The following GSE1 variants were observed in gnomAD, a reference collection of about 807,000 sequenced individuals.
GSE1 encodes the protein genetic suppressor element 1.
GSE1 carries 32 observed loss-of-function variants against 112.6 expected under a neutral mutation model. The observed-to-expected ratio is 0.28, with a 90% CI of 0.21 to 0.38. The LOEUF (loss-of-function observed/expected upper bound fraction) is 0.38. Among genes scored for constraint, GSE1 ranks in the 10% least tolerant of loss-of-function variants. GSE1 has a pLI of 1.00. For synonymous variants in GSE1, 1,115 were observed against 735.6 expected, an observed-to-expected ratio of 1.52 and a Z score of -8.35; for missense variants, 2,348 against 1,699.2, an observed-to-expected ratio of 1.38 and a Z score of -6.71.
chr16:85,234,369 A>T (rs542161250), intron 1 of GSE1, among the ~76,000 whole-genome samples: 1 of 152,154 alleles, frequency 6.6e-6, no homozygotes, highest in East Asian at 1.9e-4. Context: ...GGATCACATG[A>T]GCACCACCTC....
intron 1 of GSE1, among the ~76,000 whole-genome samples, chr16:85,190,325 A>C (rs557575728): frequency 6.6e-6 from 1 of 152,270 alleles, no homozygotes; most frequent in African/African-American, 2.4e-5. Flanking sequence ...ATCACAGATC[A>C]TAAAGAATTG....
chr16:85,296,449 C>G (rs1269184846), intron 1 of GSE1, among the ~76,000 whole-genome samples: 1 of 151,662 alleles, frequency 6.6e-6, no homozygotes, highest in East Asian at 1.9e-4. Flanking sequence ...TGCTAAAATA[C>G]AAAAAAAATT....
intron 2 of GSE1, among the ~76,000 whole-genome samples, chr16:85,427,479 T>C (rs977545797): frequency 6.6e-6 from 1 of 152,092 alleles, no homozygotes; most frequent in Non-Finnish European, 1.5e-5. Flanking sequence ...CCGTCTCTAG[T>C]AAAAATACAA....
chr16:85,323,570 G>T (rs543389129), intron 1 of GSE1, among the ~76,000 whole-genome samples: 43 of 152,284 alleles, frequency 2.8e-4, no homozygotes, highest in African/African-American at 9.9e-4. Context: ...GTGAGGTGGG[G>T]CATGAAATGA....
At chr16:85,301,551 G>A (rs1000875736) in intron 1 of GSE1, among the ~76,000 whole-genome samples, 1 of 152,262 alleles carries the variant, frequency 6.6e-6, no homozygotes, top group Non-Finnish European at 1.5e-5. Flanking sequence ...AAAGAATCCC[G>A]CCAAAGGAAA....
rs149562078 is a variant in GSE1, at chr16:85,199,069, C to T, written c.2283+27262C>T. Among the ~76,000 whole-genome samples the T allele has an allele frequency of 5.3e-3, 810 of 152,218 alleles. 5 individuals are homozygous for T. The highest frequency in any genetic ancestry group is 9.5e-3 in the Non-Finnish European group (648 of 68,016). ...AAGTGATTCTGCTGCCTCAGCCTCCCGAGTAGCTGGGATCACAGGCATGTG... is the reference window on the plus strand; with the variant it reads ...AAGTGATTCTGCTGCCTCAGCCTCCTGAGTAGCTGGGATCACAGGCATGTG... On this transcript the variant is annotated intron_variant, in intron 1 of 2. Coordinates refer to the GSE1 transcript ENST00000637419.
chr16:85,205,387 C>T (rs1447071191), intron 1 of GSE1, among the ~76,000 whole-genome samples: 2 of 152,202 alleles, frequency 1.3e-5, no homozygotes, highest in African/African-American at 2.4e-5. Context: ...CTGCCTTGGC[C>T]TCCCAAAGTG....
At chr16:85,505,114 A>T (rs28521760) in intron 2 of GSE1, among the ~76,000 whole-genome samples, 9 of 152,072 alleles carry the variant, frequency 5.9e-5, no homozygotes, top group South Asian at 2.1e-4. Flanking sequence ...GGTTTGTTCA[A>T]TGTTGGGCCT....
At chr16:85,507,171 C>T (rs1031264587) in intron 2 of GSE1, among the ~76,000 whole-genome samples, 2 of 152,248 alleles carry the variant, frequency 1.3e-5, no homozygotes, top group African/African-American at 4.8e-5. Context: ...TTTAATTTGC[C>T]AGTCTGTGGG....
chr16:85,253,186 G>A (rs1478099131), intron 1 of GSE1, among the ~76,000 whole-genome samples: 6 of 151,848 alleles, frequency 4.0e-5, no homozygotes, highest in Non-Finnish European at 8.8e-5. Flanking sequence ...GAGGCAGGAG[G>A]AGCAGAGAAG....
chr16:85,468,766 A>T (rs1476646152), intron 2 of GSE1, among the ~76,000 whole-genome samples: 1 of 152,142 alleles, frequency 6.6e-6, no homozygotes, highest in Non-Finnish European at 1.5e-5. Context: ...CCATCTCCTG[A>T]TGTCTAAGAG....
chr16:85,605,985 C>T (rs1195611200), intron 1 of GSE1, among the ~76,000 whole-genome samples: 1 of 152,106 alleles, frequency 6.6e-6, no homozygotes, highest in Admixed American at 6.6e-5. Context: ...CTGTTTCTGC[C>T]GTGGTTTCTG....
intron 1 of GSE1, among the ~76,000 whole-genome samples, chr16:85,319,019 G>GA (rs1567685090): frequency 1.3e-5 from 2 of 152,192 alleles, no homozygotes; most frequent in African/African-American, 4.8e-5. Context: ...GTGTCCTTTG[G>GA]AAAGCGAGCA....
intron 2 of GSE1, among the ~76,000 whole-genome samples, chr16:85,448,182 C>G (rs2049567776): frequency 6.6e-6 from 1 of 152,186 alleles, no homozygotes; most frequent in Admixed American, 6.5e-5. Flanking sequence ...ATAATGATCC[C>G]AGACGGAGAG....
At chr16:85,651,405 C>T (rs1310535036) in intron 3 of GSE1, among the ~76,000 whole-genome samples, 1 of 152,078 alleles carries the variant, frequency 6.6e-6, no homozygotes, top group Non-Finnish European at 1.5e-5. Context: ...TGCTGGCTGC[C>T]CCCCAGCCCC....
At chr16:85,177,873 C>G (rs2074499539) in intron 1 of GSE1, among the ~76,000 whole-genome samples, 1 of 152,142 alleles carries the variant, frequency 6.6e-6, no homozygotes, top group Non-Finnish European at 1.5e-5. Flanking sequence ...AGTGCTGGGC[C>G]AGGGACGAAC....
upstream of GSE1, chr16:85,613,298 C>T (rs2048119037): frequency 1.3e-6 from 2 of 1,540,686 alleles, no homozygotes; most frequent in African/African-American, 1.4e-5. Flanking sequence ...CTGCCGCCGC[C>T]GAGCAGCCCC....
intron 2 of GSE1, among the ~76,000 whole-genome samples, chr16:85,645,725 GC>G (rs771305915): frequency 0.017 from 2,553 of 152,348 alleles, 36 homozygotes; most frequent in Non-Finnish European, 0.021. Flanking sequence ...CGGAACCAAG[GC>G]CAGGTCTGAA....
chr16:85,630,810 C>G (rs2049478919), intron 1 of GSE1, among the ~76,000 whole-genome samples: 1 of 152,150 alleles, frequency 6.6e-6, no homozygotes, highest in Non-Finnish European at 1.5e-5. Flanking sequence ...TTGGACCAAG[C>G]TTAGGTCATC....
Sources: allele counts gnomAD v4.1 joint callset (sites outside exome capture counted in the v4.1 genomes callset), GRCh38; gene constraint gnomAD v4.1.1; transcripts MANE v1.5; gene names NCBI Gene and HGNC (gene_info 2026-07-23, HGNC 2026-07-21).